The following RERG variants were observed in gnomAD, a reference collection of about 807,000 sequenced individuals.
RERG encodes RAS like estrogen regulated growth inhibitor, also known as ras-related and estrogen-regulated growth inhibitor.
RERG carries 25 observed loss-of-function variants against 23.2 expected under a neutral mutation model. The observed-to-expected ratio is 1.08, with a 90% CI of 0.79 to 1.50. The LOEUF (loss-of-function observed/expected upper bound fraction) is 1.50, where lower values mean the gene tolerates loss of function less well. RERG is among the 40% of genes most tolerant of loss of function. RERG has a pLI of 0.00. For missense variants in RERG, 253 were observed against 250.1 expected (o/e 1.01, Z -0.08); for synonymous variants, 81 against 89.1 (o/e 0.91, Z 0.51).
intron 2 of RERG, among the ~76,000 whole-genome samples, chr12:15,215,357 C>T (rs1865426053): frequency 6.6e-6 from 1 of 152,040 alleles, no homozygotes; most frequent in Non-Finnish European, 1.5e-5. Flanking sequence ...TTGAGAAGTG[C>T]GCAGACGAAG....
chr12:15,185,511 A>G (rs1200747592), intron 2 of RERG, among the ~76,000 whole-genome samples: 1 of 152,176 alleles, frequency 6.6e-6, no homozygotes, highest in East Asian at 1.9e-4. Flanking sequence ...AAGACACCTC[A>G]GTTAGTGTCA....
chr12:15,179,471 G>C lies in RERG; in HGVS notation c.61+37958C>G, dbSNP rs148910491. Among the ~76,000 whole-genome samples the C allele has an allele frequency of 1.9e-3, 289 of 152,278 alleles. 1 individual carries two copies. The highest frequency in any genetic ancestry group is 3.1e-3 in the Non-Finnish European group (212 of 68,036). On this transcript the variant is annotated intron_variant, in intron 2 of 4. Transcript: ENST00000256953. ...CAGGATAAAAGATCTGTACCTGCTGGAAGGCAATCTCCCACCCCACAGTGC... is the reference window on the plus strand; with the variant it reads ...CAGGATAAAAGATCTGTACCTGCTGCAAGGCAATCTCCCACCCCACAGTGC...
chr12:15,164,041 G>T (rs1247918889), intron 2 of RERG, among the ~76,000 whole-genome samples: 1 of 152,150 alleles, frequency 6.6e-6, no homozygotes, highest in African/African-American at 2.4e-5. Context: ...GAGAGACAAG[G>T]AAATGCAGTT....
chr12:15,177,069 AAGTGATATGC>A (rs1378594844), intron 2 of RERG, among the ~76,000 whole-genome samples: 1 of 152,256 alleles, frequency 6.6e-6, no homozygotes, highest in African/African-American at 2.4e-5. Context: ...ATCTATATCT[AAGTGATATGC>A]AGTATGCATA....
At chr12:15,199,489 A>T (rs920319092) in intron 2 of RERG, among the ~76,000 whole-genome samples, 35 of 152,254 alleles carry the variant, frequency 2.3e-4, no homozygotes, top group Middle Eastern at 3.4e-3. Flanking sequence ...TGTTTTCCTT[A>T]CATTCCTATA....
At chr12:15,173,345 G>A (rs1453559340) in intron 2 of RERG, among the ~76,000 whole-genome samples, 1 of 151,974 alleles carries the variant, frequency 6.6e-6, no homozygotes, top group African/African-American at 2.4e-5. Context: ...CCTTGTGCCA[G>A]TACCACACTG....
chr12:15,164,197 T>C (rs1052310573), intron 2 of RERG, among the ~76,000 whole-genome samples: 10 of 152,220 alleles, frequency 6.6e-5, no homozygotes, highest in Admixed American at 1.3e-4. Flanking sequence ...AAGTTTTACA[T>C]AGGGGCTCCA....
At chr12:15,174,504 A>G (rs1201651354) in intron 2 of RERG, among the ~76,000 whole-genome samples, 36 of 138,214 alleles carry the variant, frequency 2.6e-4, no homozygotes, top group African/African-American at 1.1e-3. Flanking sequence ...GTGTATATAT[A>G]TATATTTAAA....
intron 2 of RERG, among the ~76,000 whole-genome samples, chr12:15,196,822 T>G (rs774081685): frequency 6.6e-6 from 1 of 152,142 alleles, no homozygotes; most frequent in Non-Finnish European, 1.5e-5. Context: ...TTTATATTTT[T>G]ACAAATGTTG....
In RERG at chr12:15,109,531, A is replaced by C. The variant is rs777955212; in HGVS notation, c.193-14T>G. The C allele has an allele frequency of 1.3e-6, 2 of 1,564,276 alleles. No homozygotes were observed. The highest frequency in any genetic ancestry group is 1.7e-6 in the Non-Finnish European group (2 of 1,152,580). On this transcript the variant is annotated splice_polypyrimidine_tract_variant and intron_variant, in intron 4 of 4. Coordinates refer to ENST00000256953, the MANE Select transcript of RERG (RefSeq NM_032918.3). The stretch of plus-strand genomic sequence containing the variant: ...AATGGTATCTTCCTGTTGGCAAAGA[A>C]AAATGGCCGTCAAGAGACCTGGAAA...
At chr12:15,129,929 G>C (rs1864014910) in intron 2 of RERG, among the ~76,000 whole-genome samples, 2 of 151,986 alleles carry the variant, frequency 1.3e-5, no homozygotes, top group African/African-American at 4.8e-5. Flanking sequence ...GTGAGGGAGA[G>C]GGATTAGTGC....
At chr12:15,176,582 T>C (rs1277933922) in intron 2 of RERG, among the ~76,000 whole-genome samples, 1 of 152,196 alleles carries the variant, frequency 6.6e-6, no homozygotes, top group Non-Finnish European at 1.5e-5. Context: ...TATATAAACC[T>C]ACCCAGATTC....
At chr12:15,172,992 A>G (rs1407162218) in intron 2 of RERG, among the ~76,000 whole-genome samples, 2 of 152,002 alleles carry the variant, frequency 1.3e-5, no homozygotes, top group African/African-American at 4.8e-5. Flanking sequence ...CATAAAGTTC[A>G]ATTTATCAAT....
At chr12:15,158,408 A>G (rs772611733) in intron 2 of RERG, among the ~76,000 whole-genome samples, 1 of 152,130 alleles carries the variant, frequency 6.6e-6, no homozygotes, top group East Asian at 1.9e-4. Context: ...CAGCTTCCCA[A>G]GTAGCTAGGA....
At chr12:15,203,963 G>A (rs1029335960) in intron 2 of RERG, among the ~76,000 whole-genome samples, 6 of 151,484 alleles carry the variant, frequency 4.0e-5, no homozygotes, top group African/African-American at 7.3e-5. Flanking sequence ...TAATGAATTG[G>A]AAGACTTATA....
At chr12:15,121,168 T>A (rs949297799) in intron 2 of RERG, 49 bp from the exon 3 acceptor site, 1 of 1,412,200 alleles carries the variant, frequency 7.1e-7, no homozygotes, top group African/African-American at 1.4e-5. Context: ...TTAATTTGCT[T>A]AGCACACCTA....
At chr12:15,140,427 C>T (rs1418407906) in intron 2 of RERG, among the ~76,000 whole-genome samples, 1 of 152,146 alleles carries the variant, frequency 6.6e-6, no homozygotes, top group African/African-American at 2.4e-5. Flanking sequence ...ATTTGAATAA[C>T]AGTTATAATT....
chr12:15,210,688 G>A (rs575035356), intron 2 of RERG, among the ~76,000 whole-genome samples: 2 of 152,046 alleles, frequency 1.3e-5, no homozygotes, highest in Non-Finnish European at 2.9e-5. Context: ...ACAGAGGTCT[G>A]CCTTTTATAC....
chr12:15,215,293 T>C (rs1317829445), intron 2 of RERG, among the ~76,000 whole-genome samples: 1 of 152,116 alleles, frequency 6.6e-6, no homozygotes, highest in Non-Finnish European at 1.5e-5. Context: ...CTAGGGGCAG[T>C]GTATGGAGTA....
Sources: allele counts gnomAD v4.1 joint callset (sites outside exome capture counted in the v4.1 genomes callset), GRCh38; gene constraint gnomAD v4.1.1; transcripts MANE v1.5; gene names NCBI Gene and HGNC (gene_info 2026-07-23, HGNC 2026-07-21).